Variants in ZNF407 observed in about 807,000 individuals in gnomAD.
The protein encoded by ZNF407 is zinc finger protein 407.
ZNF407 carries 17 observed loss-of-function variants against 131.2 expected under a neutral mutation model. That is an observed-to-expected ratio of 0.13 (90% CI 0.09 to 0.19). The LOEUF is 0.19. Ranked by LOEUF, ZNF407 falls within the 10% of genes least tolerant of loss-of-function variation. The pLI, the probability that ZNF407 is intolerant of heterozygous loss-of-function variation, is 1.00. For synonymous variants in ZNF407, 1,156 were observed against 1,062.0 expected, an observed-to-expected ratio of 1.09 and a Z score of -1.72; for missense variants, 2,681 against 2,830.6, an observed-to-expected ratio of 0.95 and a Z score of 1.20.
At chr18:74,852,270 T>G (rs1464993107) in intron 4 of ZNF407, among the ~76,000 whole-genome samples, 1 of 152,174 alleles carries the variant, frequency 6.6e-6, no homozygotes, top group Admixed American at 6.5e-5. Flanking sequence ...AACAGAAATT[T>G]TAAAAGTAAT....
chr18:74,956,168 G>A (rs192057037), intron 8 of ZNF407, among the ~76,000 whole-genome samples: 64 of 152,152 alleles, frequency 4.2e-4, no homozygotes, highest in African/African-American at 1.4e-3. Flanking sequence ...AGTTATAGAC[G>A]TTCATTGTTT....
At chr18:74,672,535 A>T (rs752194933) in intron 3 of ZNF407, among the ~76,000 whole-genome samples, 1 of 146,420 alleles carries the variant, frequency 6.8e-6, no homozygotes, top group African/African-American at 2.6e-5. Context: ...CCGTTTGTTC[A>T]TTGGAGCACT....
At chr18:74,934,139 A>G (rs1412797036) in intron 8 of ZNF407, among the ~76,000 whole-genome samples, 1 of 152,156 alleles carries the variant, frequency 6.6e-6, no homozygotes, top group Non-Finnish European at 1.5e-5. Context: ...AGTGTGATTG[A>G]CAGGAAGTCA....
At chr18:74,695,488 A>G (rs1395304610) in intron 3 of ZNF407, among the ~76,000 whole-genome samples, 1 of 149,928 alleles carries the variant, frequency 6.7e-6, no homozygotes, top group Admixed American at 6.7e-5. Flanking sequence ...TTGTTCTAGC[A>G]TTTTTTATTT....
At chr18:74,924,684 G>T (rs542369937) in intron 8 of ZNF407, among the ~76,000 whole-genome samples, 1 of 152,160 alleles carries the variant, frequency 6.6e-6, no homozygotes, top group Non-Finnish European at 1.5e-5. Context: ...CTTCAGCAGG[G>T]ATAGCTCAGA....
chr18:74,913,823 G>A (rs555265881), intron 7 of ZNF407, among the ~76,000 whole-genome samples: 2 of 152,318 alleles, frequency 1.3e-5, no homozygotes, highest in Admixed American at 1.3e-4. Flanking sequence ...ATAAGTGAGT[G>A]TGTAGTACTG....
intron 4 of ZNF407, among the ~76,000 whole-genome samples, chr18:74,832,195 C>T (rs1434351266): frequency 2.0e-5 from 3 of 152,160 alleles, no homozygotes; most frequent in Admixed American, 6.5e-5. Context: ...CAAGAGGTTA[C>T]GTGCCTTTCA....
chr18:74,893,162 G>A (rs1320910569), intron 7 of ZNF407, among the ~76,000 whole-genome samples: 1 of 152,126 alleles, frequency 6.6e-6, no homozygotes, highest in Non-Finnish European at 1.5e-5. Flanking sequence ...TCCCATCCAT[G>A]TTATACCTCT....
chr18:75,011,650 A>G (rs1268829458), intron 8 of ZNF407, among the ~76,000 whole-genome samples: 1 of 152,182 alleles, frequency 6.6e-6, no homozygotes, highest in East Asian at 1.9e-4. Flanking sequence ...TTTGTTGAAC[A>G]AAAGAATGAA....
At chr18:74,697,363 T>C (rs548895499) in intron 3 of ZNF407, among the ~76,000 whole-genome samples, 1 of 152,330 alleles carries the variant, frequency 6.6e-6, no homozygotes, top group East Asian at 1.9e-4. Context: ...GCTTTTAATA[T>C]AAGTATGATA....
intron 8 of ZNF407, among the ~76,000 whole-genome samples, chr18:75,057,779 G>A (rs924944385): frequency 2.6e-5 from 4 of 152,260 alleles, no homozygotes; most frequent in African/African-American, 9.6e-5. Flanking sequence ...AGTGCCATTC[G>A]TGTATTTTAT....
chr18:75,038,334 G>GT (rs1022357189), intron 8 of ZNF407, among the ~76,000 whole-genome samples: 8 of 151,880 alleles, frequency 5.3e-5, no homozygotes, highest in South Asian at 2.1e-4. Context: ...AGTGTCTGAG[G>GT]TTTTTTTTTC....
chr18:74,630,167 CTTTTTT>C (rs1183755965), intron 1 of ZNF407, among the ~76,000 whole-genome samples: 1 of 120,272 alleles, frequency 8.3e-6, no homozygotes. Flanking sequence ...ACAGTGGTGT[CTTTTTT>C]TTTTTTTTTT....
intron 7 of ZNF407, among the ~76,000 whole-genome samples, chr18:74,911,636 C>G (rs898601642): frequency 2.0e-5 from 3 of 152,142 alleles, no homozygotes; most frequent in Non-Finnish European, 4.4e-5. Context: ...GCACTCAATT[C>G]AATTTTCGGT....
At position 74,631,823 on chromosome 18, in the gene ZNF407, T is replaced by C; in HGVS notation, c.804T>C (p.His268=). The change falls in exon 2 of 9, where the codon CAT becomes CAC. Residue 268 remains histidine, a synonymous_variant. Transcript: ENST00000299687. ...ATGCACATTATCTTGGCAAAACACATCTCCGTCGTCAGAATCTGGCTGCTC... is the reference window on the plus strand; with the variant it reads ...ATGCACATTATCTTGGCAAAACACACCTCCGTCGTCAGAATCTGGCTGCTC... ...LLNAHYLGKT[H]LRRQNLAARG... is the part of the protein sequence containing the mutation. 1 of 1,613,992 alleles carries C rather than the reference T, an allele frequency of 6.2e-7. No individual in the cohort carries two copies. The highest frequency in any genetic ancestry group is 8.5e-7 in the Non-Finnish European group (1 of 1,179,890).
rs920882263 is a variant in ZNF407, at chr18:74,893,624, G to A, written c.5249+3586G>A. ...AGTTTCTAAGGATTGTTTTTGTTGC[G>A]TACGATAGTAGGAACAGGATCCCAT... On this transcript the variant is annotated intron_variant, in intron 7 of 8. Coordinates refer to ENST00000299687, the MANE Select transcript of ZNF407 (RefSeq NM_017757.3). Among the ~76,000 whole-genome samples the A allele has an allele frequency of 1.1e-4, 17 of 152,152 alleles. No individual in the cohort carries two copies. In the South Asian group the frequency reaches 2.5e-3, roughly 22 times the overall value.
At chr18:74,743,112 C>T in intron 3 of ZNF407, among the ~76,000 whole-genome samples, 1 of 152,034 alleles carries the variant, frequency 6.6e-6, no homozygotes, top group Non-Finnish European at 1.5e-5. Flanking sequence ...GGCTGACTAG[C>T]CAGTGGCTGA....
At chr18:74,641,283 ATTC>A (rs1984703527) in intron 3 of ZNF407, among the ~76,000 whole-genome samples, 161 bp downstream of exon 3, 1 of 152,170 alleles carries the variant, frequency 6.6e-6, no homozygotes, top group African/African-American at 2.4e-5. Context: ...CAGTTATGAC[ATTC>A]TTCTCCCACT....
At chr18:74,932,803 C>T (rs1006929565) in intron 8 of ZNF407, among the ~76,000 whole-genome samples, 1 of 152,156 alleles carries the variant, frequency 6.6e-6, no homozygotes, top group Non-Finnish European at 1.5e-5. Context: ...ATATTTTTCT[C>T]ATTAGCTAAG....
Sources: allele counts gnomAD v4.1 joint callset (sites outside exome capture counted in the v4.1 genomes callset), GRCh38; gene constraint gnomAD v4.1.1; transcripts MANE v1.5; gene names NCBI Gene and HGNC (gene_info 2026-07-23, HGNC 2026-07-21).